The following TMEM178B variants were observed in gnomAD, a reference collection of about 807,000 sequenced individuals.
The protein encoded by TMEM178B is transmembrane protein 178B.
A neutral mutation model predicts 31.0 loss-of-function variants in TMEM178B; 5 were observed. The ratio of observed to expected loss-of-function variants is 0.16; its 90% confidence interval spans 0.08 to 0.34. The LOEUF is 0.34. Ranked by LOEUF, TMEM178B falls within the 10% of genes least tolerant of loss-of-function variation. TMEM178B has a pLI of 1.00. For missense variants in TMEM178B, 275 were observed against 400.3 expected, an observed-to-expected ratio of 0.69 and a Z score of 2.67; for synonymous variants, 164 against 164.0, an observed-to-expected ratio of 1.00 and a Z score of 0.00.
intron 2 of TMEM178B, among the ~76,000 whole-genome samples, chr7:141,332,918 G>A (rs1174689215): frequency 1.3e-5 from 2 of 152,198 alleles, no homozygotes; most frequent in African/African-American, 4.8e-5. Flanking sequence ...TTGCTGGATG[G>A]CATAGTTTTA....
chr7:141,225,140 GA>G (rs1316743292), intron 2 of TMEM178B, among the ~76,000 whole-genome samples: 1 of 152,170 alleles, frequency 6.6e-6, no homozygotes, highest in Non-Finnish European at 1.5e-5. Context: ...GCTACAAGAA[GA>G]GGCAGGACTA....
At chr7:141,346,621 C>G (rs1277811582) in intron 2 of TMEM178B, among the ~76,000 whole-genome samples, 1 of 152,110 alleles carries the variant, frequency 6.6e-6, no homozygotes, top group Admixed American at 6.5e-5. Flanking sequence ...ACACTCCACA[C>G]ACACTGCTAC....
chr7:141,094,272 C>A (rs1794923749), intron 1 of TMEM178B, among the ~76,000 whole-genome samples: 1 of 152,084 alleles, frequency 6.6e-6, no homozygotes, highest in Non-Finnish European at 1.5e-5. Context: ...TTTCTTGAAG[C>A]AAGGCATCAA....
intron 1 of TMEM178B, among the ~76,000 whole-genome samples, chr7:141,130,610 T>C (rs1214410101): frequency 6.6e-6 from 1 of 152,218 alleles, no homozygotes; most frequent in Non-Finnish European, 1.5e-5. Flanking sequence ...TTGGCTATTA[T>C]GAATGAAACT....
intron 2 of TMEM178B, among the ~76,000 whole-genome samples, chr7:141,236,248 A>C (rs1170444289): frequency 6.6e-6 from 1 of 152,200 alleles, no homozygotes; most frequent in African/African-American, 2.4e-5. Flanking sequence ...AATATCACTG[A>C]CTAAGCTGCT....
intron 1 of TMEM178B, among the ~76,000 whole-genome samples, chr7:141,129,525 A>T (rs1795560498): frequency 6.6e-6 from 1 of 152,176 alleles, no homozygotes; most frequent in Non-Finnish European, 1.5e-5. Context: ...TCCCTTGTGG[A>T]TCCTTCTAGT....
At position 141,213,330 on chromosome 7, in the gene TMEM178B, C is replaced by T. The variant is rs56201350; in HGVS notation, c.496+626C>T. Among the ~76,000 whole-genome samples, 699 of 152,280 alleles carry T rather than the reference C, an allele frequency of 4.6e-3. 4 individuals carry two copies. Among genetic ancestry groups the T allele is most frequent in the Non-Finnish European group, 7.5e-3 (510 of 68,022 alleles). Reference sequence around the variant, plus strand: ...GGATCCTCAGAGACTTAAATGACAACGAGAGGGTTAGTTCATGAGCAAACA... The same window carrying T: ...GGATCCTCAGAGACTTAAATGACAATGAGAGGGTTAGTTCATGAGCAAACA... On this transcript the variant is annotated intron_variant, in intron 2 of 3. Transcript: ENST00000565468.
chr7:141,254,285 A>G (rs1214997462), intron 2 of TMEM178B, among the ~76,000 whole-genome samples: 5 of 152,216 alleles, frequency 3.3e-5, no homozygotes, highest in Non-Finnish European at 7.3e-5. Context: ...TGATGCCAGC[A>G]AGGCTGCCTG....
intron 2 of TMEM178B, among the ~76,000 whole-genome samples, chr7:141,401,196 A>C (rs897339579): frequency 6.6e-6 from 1 of 152,246 alleles, no homozygotes; most frequent in African/African-American, 2.4e-5. Context: ...ACATTTCAAA[A>C]ATATATTCAA....
At chr7:141,462,083 A>G (rs1802068688) in intron 3 of TMEM178B, among the ~76,000 whole-genome samples, 1 of 152,170 alleles carries the variant, frequency 6.6e-6, no homozygotes, top group South Asian at 2.1e-4. Context: ...CGTCACTACA[A>G]CACTACCTAT....
intron 2 of TMEM178B, among the ~76,000 whole-genome samples, chr7:141,282,799 G>A (rs998925188): frequency 6.6e-5 from 10 of 152,342 alleles, no homozygotes; most frequent in African/African-American, 2.4e-4. Flanking sequence ...TGCAGGAATG[G>A]CAGATAACAA....
chr7:141,155,536 C>G lies in TMEM178B; in HGVS notation c.383-57055C>G, dbSNP rs1048308061. ...TCTGAGCTGTTGGCACAGGCTGGCT[C>G]CAGCACATCATCAGCAGTGCCCTCA... On this transcript the variant is annotated intron_variant, in intron 1 of 3. Coordinates refer to ENST00000565468, the MANE Select transcript of TMEM178B (RefSeq NM_001195278.2). Among the ~76,000 whole-genome samples, 13 of 152,190 alleles carry G rather than the reference C, an allele frequency of 8.5e-5. 1 individual carries two copies. Among genetic ancestry groups the G allele is most frequent in the Admixed American group, 8.5e-4 (13 of 15,276 alleles).
Position 141,472,720 on chromosome 7 carries a change from C to T in TMEM178B, c.*1934C>T, listed in dbSNP as rs112742087. 0.025 allele frequency: 3,750 copies of T among 152,392 alleles called. 67 individuals carry two copies. Among genetic ancestry groups the T allele is most frequent in the Non-Finnish European group, 0.035 (2,371 of 68,064 alleles). 9.4% of individuals were successfully genotyped at this position (152,392 alleles called of 1,614,324 possible). ...TTCCAACCCATCTTCCTACCACTCT[C>T]CTCCTTTTCTCACCTACTAACCACT... On this transcript the variant is annotated 3_prime_UTR_variant, in exon 4 of 4. Coordinates refer to ENST00000565468, the MANE Select transcript of TMEM178B (RefSeq NM_001195278.2).
intron 2 of TMEM178B, among the ~76,000 whole-genome samples, chr7:141,315,422 A>C (rs145838824): frequency 6.6e-6 from 1 of 152,192 alleles, no homozygotes; most frequent in Non-Finnish European, 1.5e-5. Flanking sequence ...CGCCAAGGGC[A>C]GTCCTGTCCC....
chr7:141,139,429 GC>G (rs1311941484), intron 1 of TMEM178B, among the ~76,000 whole-genome samples: 3 of 152,154 alleles, frequency 2.0e-5, no homozygotes, highest in Non-Finnish European at 4.4e-5. Context: ...ATGGCTCACA[GC>G]AGCCTCACCC....
the TMEM178B span, among the ~76,000 whole-genome samples, chr7:141,506,315 T>C: frequency 6.6e-6 from 1 of 152,240 alleles, no homozygotes; most frequent in Non-Finnish European, 1.5e-5. Flanking sequence ...TATTTTGTTT[T>C]CACACTGCTA....
chr7:141,334,584 A>G (rs918435517), intron 2 of TMEM178B, among the ~76,000 whole-genome samples: 13 of 152,122 alleles, frequency 8.5e-5, no homozygotes, highest in African/African-American at 2.9e-4. Context: ...AACAGGGGGG[A>G]AAAGCTGTCT....
intron 2 of TMEM178B, among the ~76,000 whole-genome samples, chr7:141,383,645 T>G (rs1194448968): frequency 2.0e-5 from 3 of 152,164 alleles, no homozygotes; most frequent in Non-Finnish European, 2.9e-5. Context: ...TGGTTCCAAG[T>G]CTTTGCTATT....
chr7:141,465,583 T>C (rs1251896792), intron 3 of TMEM178B, among the ~76,000 whole-genome samples: 1 of 152,242 alleles, frequency 6.6e-6, no homozygotes, highest in African/African-American at 2.4e-5. Context: ...TGTCAGAATA[T>C]GGTGCTGAGT....
Sources: allele counts gnomAD v4.1 joint callset (sites outside exome capture counted in the v4.1 genomes callset), GRCh38; gene constraint gnomAD v4.1.1; transcripts MANE v1.5; gene names NCBI Gene and HGNC (gene_info 2026-07-23, HGNC 2026-07-21).